The following CCDC9B variants were observed in gnomAD, a reference collection of about 807,000 sequenced individuals.
The protein encoded by CCDC9B is coiled-coil domain containing 9B, also known as coiled-coil domain-containing protein 9B.
Under a neutral mutation model 47.2 loss-of-function variants are expected in CCDC9B, and 40 were observed. The observed-to-expected ratio is 0.85, with a 90% CI of 0.66 to 1.10. The LOEUF (loss-of-function observed/expected upper bound fraction) is 1.10, where lower values mean the gene tolerates loss of function less well. CCDC9B is among the 50% of genes least tolerant of loss of function. CCDC9B has a pLI of 0.00. For synonymous variants in CCDC9B, 238 were observed against 250.7 expected (o/e 0.95, Z 0.48); for missense variants, 662 against 651.0 (o/e 1.02, Z -0.18).
chr15:40,335,231 C>A lies in CCDC9B; in HGVS notation c.1400G>T (p.Gly467Val). 1 of 1,586,438 alleles carries A rather than the reference C, an allele frequency of 6.3e-7. No homozygotes were observed. The highest frequency in any genetic ancestry group is 1.1e-5 in the South Asian group (1 of 89,012). Residue 467 changes from glycine (G) to valine (V), a missense_variant, in exon 11 of 11, where the codon GGC (glycine) becomes GTC (valine). Coordinates refer to ENST00000397536, the MANE Select transcript of CCDC9B (RefSeq NM_207380.3). ...TGCTGTGCCTCTCGACCTTTGGCTG[C>A]CTCCTCTCGTGGGCCGGCTTCTCGG... ...LAPRSRPTRG[G>V]SQRSRGTAGV... is the part of the protein sequence containing the mutation.
chr15:40,335,096 C>T lies in CCDC9B; in HGVS notation c.*62G>A. 2 of 1,424,290 alleles carry T rather than the reference C, an allele frequency of 1.4e-6. No homozygotes were observed. The highest frequency in any genetic ancestry group is 1.9e-6 in the Non-Finnish European group (2 of 1,069,654). The allele number at this position is 1,424,290 out of a possible 1,614,324, so 88.2% of individuals were successfully genotyped here. A position where few individuals can be genotyped will look rare whatever the true frequency, so the allele number is the denominator to read the frequency against. ...AACCACATGGCCATCACGCGGAGGGCCTTTAACAGAGTGATTCCCTTTTCC... is the reference window on the plus strand; with the variant it reads ...AACCACATGGCCATCACGCGGAGGGTCTTTAACAGAGTGATTCCCTTTTCC... On this transcript the variant is annotated 3_prime_UTR_variant, in exon 11 of 11. Transcript: ENST00000397536.
chr15:40,340,585 C>T, intron 1 of CCDC9B: 1 of 546,998 alleles, frequency 1.8e-6, no homozygotes, highest in Non-Finnish European at 3.2e-6. Context: ...AGCCAGCTCC[C>T]CTGGCGGCCC....
rs770444084 is a variant in CCDC9B, at chr15:40,340,905, C to G, written c.-86G>C. On this transcript the variant is annotated 5_prime_UTR_variant, in exon 1 of 11. Coordinates refer to ENST00000397536, the MANE Select transcript of CCDC9B (RefSeq NM_207380.3). ...AGCTGGAGCCACCGGAGCCGGGCCT[C>G]TGCCGGCCTCTCCCTGCCGGCTTCG... The G allele has an allele frequency of 1.2e-6, 2 of 1,608,510 alleles. No individual in the cohort carries two copies. Among genetic ancestry groups the G allele is most frequent in the South Asian group, 2.2e-5 (2 of 90,214 alleles).
rs750177087 is a variant in CCDC9B at position 40,336,820 on chromosome 15, G to T, written c.743-7C>A. ...TTCTGGTGGCTCCTGGGACCTGCGG[G>T]GGACAAAAGAAGTGGGGAAAGGTGG... On this transcript the variant is annotated splice_polypyrimidine_tract_variant and splice_region_variant and intron_variant, in intron 7 of 10. Coordinates refer to ENST00000397536, the MANE Select transcript of CCDC9B (RefSeq NM_207380.3). The T allele has an allele frequency of 1.3e-6, 2 of 1,590,676 alleles. No homozygotes were observed. The highest frequency in any genetic ancestry group is 4.5e-5 in the East Asian group (2 of 44,002).
At position 40,336,578 on chromosome 15, in the gene CCDC9B, G is replaced by C. The variant is rs767675571; in HGVS notation, c.883C>G (p.Arg295Gly). The change falls in exon 9 of 11, where the codon CGA (arginine) becomes GGA (glycine). Residue 295 changes from arginine (R) to glycine (G), a missense_variant. Physicochemically the swap from Arg to Gly is moderately radical, Grantham distance 125. Coordinates refer to ENST00000397536, the MANE Select transcript of CCDC9B (RefSeq NM_207380.3). ...TTGTCCCCTGCCACCTGTTACCTTC[G>C]GGCCCTGCCAGTCAGCCTCTCCTTG... ...RGKERLTGRA[R>G]RWDMKEDKEE... 1.7e-5 allele frequency: 28 copies of C among 1,611,370 alleles called. No homozygotes were observed. In the East Asian group the frequency reaches 5.6e-4, roughly 32 times the overall value.
In CCDC9B at chr15:40,335,319, C is replaced by A. The variant is rs769832239; in HGVS notation, c.1312G>T (p.Ala438Ser). 5.6e-6 allele frequency: 9 copies of A among 1,613,628 alleles called. No homozygotes were observed. In the East Asian group the frequency reaches 8.9e-5, roughly 16 times the overall value. ...TCTTCTCCGGGCTCTGGGAGCCCTG[C>A]TCCTCTCTGTGGCTCAGGGCAAGTC... Reference protein sequence around the residue: ...VQTCPEPQRGAGLPEPGEDRS... With the variant: ...VQTCPEPQRGSGLPEPGEDRS... The change falls in exon 11 of 11, where the codon GCA becomes TCA. Residue 438 changes from alanine to serine, a missense_variant. Physicochemically the swap from Ala to Ser is moderately conservative, Grantham distance 99. Transcript: ENST00000397536.
intron 5 of CCDC9B, 53 bp downstream of exon 5, chr15:40,338,482 C>T (rs749073891): frequency 8.8e-6 from 14 of 1,586,386 alleles, no homozygotes; most frequent in Middle Eastern, 1.7e-4. Context: ...TTCTCTGCCT[C>T]CCCCAAGTGA....
chr15:40,337,771 T>C lies in CCDC9B; in HGVS notation c.636A>G (p.Ala212=). The C allele has an allele frequency of 3.1e-6, 5 of 1,609,746 alleles. No individual in the cohort carries two copies. Among genetic ancestry groups the C allele is most frequent in the Non-Finnish European group, 4.2e-6 (5 of 1,179,754 alleles). Residue 212 remains alanine, a synonymous_variant, in exon 6 of 11, where the codon GCA becomes GCG. Coordinates refer to ENST00000397536, the MANE Select transcript of CCDC9B (RefSeq NM_207380.3). ...DLARLARHRD[A]QGDWRRPWDL... The stretch of plus-strand genomic sequence containing the variant: ...CCCACGGGCGGCGCCAGTCACCCTG[T>C]GCGTCTCTGTGCCGGGCGAGGCGGG...
chr15:40,338,996 C>A (rs765952893), intron 3 of CCDC9B, 93 bp from the exon 4 acceptor site: 34 of 1,338,992 alleles, frequency 2.5e-5, no homozygotes, highest in Non-Finnish European at 3.4e-5. Flanking sequence ...TGGGTTCCAA[C>A]CCCAGCCCTC....
At position 40,335,154 on chromosome 15, in the gene CCDC9B, G is replaced by C. The variant is rs749157219; in HGVS notation, c.*4C>G. 1 of 1,499,918 alleles carries C rather than the reference G, an allele frequency of 6.7e-7. No individual in the cohort carries two copies. 92.9% of individuals were successfully genotyped at this position (1,499,918 alleles called of 1,614,324 possible). ...GGGGACTCCCCAGCTCCCAGGAGCT[G>C]TGTTCAGCATCTTCCTGCCGGGCCA... On this transcript the variant is annotated 3_prime_UTR_variant, in exon 11 of 11. Coordinates refer to ENST00000397536, the MANE Select transcript of CCDC9B (RefSeq NM_207380.3).
At chr15:40,340,417 C>G in intron 1 of CCDC9B, 2 of 322,154 alleles carry the variant, frequency 6.2e-6, no homozygotes, top group South Asian at 5.9e-5. Flanking sequence ...GTTTGGCTCC[C>G]AGATCCACAA....
chr15:40,338,148 T>C, intron 5 of CCDC9B: 1 of 721,616 alleles, frequency 1.4e-6, no homozygotes, highest in Non-Finnish European at 2.6e-6. Context: ...CACAGGGGTG[T>C]TGCAGGGGTA....
chr15:40,338,556 G>C lies in CCDC9B; in HGVS notation c.492C>G (p.Ile164Met). The C allele has an allele frequency of 6.2e-7, 1 of 1,614,084 alleles. No homozygotes were observed. Among genetic ancestry groups the C allele is most frequent in the Non-Finnish European group, 8.5e-7 (1 of 1,179,990 alleles). Reference sequence around the variant, plus strand: ...ACACCTTCCGTGCAGAATCTGAGCTGATGGCCACCTGCGTGGGGGGGCTTC... The same window carrying C: ...ACACCTTCCGTGCAGAATCTGAGCTCATGGCCACCTGCGTGGGGGGGCTTC... The part of the protein sequence containing the change: ...VTRSPPTQVA[I>M]SSDSARKGSW... The change falls in exon 5 of 11, where the codon ATC becomes ATG. Residue 164 changes from isoleucine to methionine, a missense_variant. Coordinates refer to ENST00000397536, the MANE Select transcript of CCDC9B (RefSeq NM_207380.3).
In CCDC9B at chr15:40,333,587, A is replaced by AAAAAAAAAAAAAAAAAAAAAAAAAAAC. The variant is rs1306318163; in HGVS notation, c.*1570_*1571insGTTTTTTTTTTTTTTTTTTTTTTTTTT. On this transcript the variant is annotated 3_prime_UTR_variant, in exon 11 of 11. Transcript: ENST00000397536. ...TAACTAAAAAAAAAAAAAAAAAAAAAAGACGAACTCTCAGGCCCTCCCCAG... is the reference window on the plus strand; with the variant it reads ...TAACTAAAAAAAAAAAAAAAAAAAAAAAAAAAAAAAAAAAAAAAAAAAAAAACAGACGAACTCTCAGGCCCTCCCCAG... 6.6e-6 allele frequency: 1 copy of AAAAAAAAAAAAAAAAAAAAAAAAAAAC among 152,060 alleles called. No individual in the cohort carries two copies. The highest frequency in any genetic ancestry group is 2.1e-4 in the South Asian group (1 of 4,852). The allele number at this position is 152,060 out of a possible 1,614,324, so 9.4% of individuals were successfully genotyped here.
intron 1 of CCDC9B, 119 bp downstream of exon 1, chr15:40,340,689 C>T (rs1365182258): frequency 5.4e-6 from 5 of 928,848 alleles, no homozygotes; most frequent in South Asian, 5.1e-5. Flanking sequence ...TGACCCTAGT[C>T]ACAGCCTTCT....
rs545140671 is a variant in CCDC9B, at chr15:40,334,976, G to A, written c.*182C>T. 492 of 512,908 alleles carry A rather than the reference G, an allele frequency of 9.6e-4. 6 individuals are homozygous for A. The South Asian group carries it at 0.013, about 14-fold the overall frequency. 31.8% of individuals were successfully genotyped at this position (512,908 alleles called of 1,614,324 possible). A position where few individuals can be genotyped will look rare whatever the true frequency, so the allele number is the denominator to read the frequency against. On this transcript the variant is annotated 3_prime_UTR_variant, in exon 11 of 11. Transcript: ENST00000397536. ...AACACACATGTGCACAGAGATGAGC[G>A]TGTGAGGTGCAGGGAGGCCACTCCT... is the stretch of plus-strand genomic sequence containing the variant.
intron 3 of CCDC9B, 143 bp downstream of exon 3, chr15:40,339,369 G>A: frequency 2.5e-6 from 2 of 792,044 alleles, no homozygotes; most frequent in East Asian, 2.7e-5. Context: ...GACAGCAGTG[G>A]TCCGACTGCA....
Position 40,337,711 on chromosome 15 carries a change from C to T in CCDC9B, c.683+13G>A, listed in dbSNP as rs1257160314. 1.3e-6 allele frequency: 2 copies of T among 1,581,610 alleles called. No individual in the cohort carries two copies. The highest frequency in any genetic ancestry group is 1.7e-6 in the Non-Finnish European group (2 of 1,166,896). On this transcript the variant is annotated intron_variant, in intron 6 of 10. Transcript: ENST00000397536. ...CCCGCACCACAGGCAACCTGCCCAA[C>T]CCAGCCACCCACGTGGACTTGGCCT...
Position 40,338,528 on chromosome 15 carries a change from GAC to G in CCDC9B, c.513+5_513+6del. ...ATCCATGTCCCCATCCCCTCTTGAA[GAC>G]ACACCTTCCGTGCAGAATCTGAGCT... is the stretch of plus-strand genomic sequence containing the variant. On this transcript the variant is annotated splice_donor_5th_base_variant and intron_variant, in intron 5 of 10. Transcript: ENST00000397536. 1 of 1,613,222 alleles carries G rather than the reference GAC, an allele frequency of 6.2e-7. No individual in the cohort carries two copies. The highest frequency in any genetic ancestry group is 1.1e-5 in the South Asian group (1 of 90,964).
Sources: allele counts gnomAD v4.1 joint callset, GRCh38; gene constraint gnomAD v4.1.1; transcripts MANE v1.5; gene names NCBI Gene and HGNC (gene_info 2026-07-23, HGNC 2026-07-21).